The following ATP8A2 variants were observed in gnomAD, a reference collection of about 807,000 sequenced individuals.
ATP8A2 encodes phospholipid-transporting ATPase IB.
ATP8A2 carries 100 observed loss-of-function variants against 165.6 expected under a neutral mutation model. The observed-to-expected ratio is 0.60, with a 90% CI of 0.51 to 0.71. The LOEUF (loss-of-function observed/expected upper bound fraction) is 0.71. Ranked by LOEUF, ATP8A2 falls within the 30% of genes least tolerant of loss-of-function variation. ATP8A2 has a pLI of 0.00. For synonymous variants in ATP8A2, 543 were observed against 548.8 expected, an observed-to-expected ratio of 0.99 and a Z score of 0.15; for missense variants, 1,227 against 1,479.5, an observed-to-expected ratio of 0.83 and a Z score of 2.80.
intron 35 of ATP8A2, among the ~76,000 whole-genome samples, chr13:25,997,683 G>T (rs1024800521): frequency 2.6e-5 from 4 of 151,584 alleles, no homozygotes; most frequent in Non-Finnish European, 5.9e-5. Flanking sequence ...GTTCACTAAC[G>T]ATTTCCTCTG....
At chr13:25,589,392 A>G (rs563865644) in intron 23 of ATP8A2, among the ~76,000 whole-genome samples, 3 of 152,356 alleles carry the variant, frequency 2.0e-5, no homozygotes, top group Non-Finnish European at 4.4e-5. Flanking sequence ...ACAGAGATAA[A>G]GAAAAATCCA....
chr13:25,741,471 C>A (rs1465475775), intron 25 of ATP8A2, among the ~76,000 whole-genome samples: 1 of 152,098 alleles, frequency 6.6e-6, no homozygotes, highest in Admixed American at 6.5e-5. Flanking sequence ...GCCGCAAGCT[C>A]CCTGGACTCA....
chr13:25,571,331 T>G (rs1386957878), intron 17 of ATP8A2, among the ~76,000 whole-genome samples: 4 of 152,186 alleles, frequency 2.6e-5, no homozygotes, highest in Non-Finnish European at 1.5e-5. Flanking sequence ...TTAGGTTCAT[T>G]GGAGAGAACT....
At chr13:25,796,128 A>G (rs949830225) in intron 27 of ATP8A2, among the ~76,000 whole-genome samples, 1 of 151,860 alleles carries the variant, frequency 6.6e-6, no homozygotes, top group South Asian at 2.1e-4. Context: ...TTTTGTATTT[A>G]TAGTAGAGAC....
intron 10 of ATP8A2, among the ~76,000 whole-genome samples, chr13:25,546,651 G>C (rs754366168): frequency 2.6e-5 from 4 of 152,042 alleles, no homozygotes; most frequent in Non-Finnish European, 5.9e-5. Flanking sequence ...GAAAAAGAGC[G>C]ATTATCACAC....
At chr13:25,986,845 G>A (rs985011395) in intron 35 of ATP8A2, among the ~76,000 whole-genome samples, 1 of 152,070 alleles carries the variant, frequency 6.6e-6, no homozygotes, top group African/African-American at 2.4e-5. Context: ...AAAGAATAAG[G>A]ACCATTCTTT....
intron 24 of ATP8A2, among the ~76,000 whole-genome samples, chr13:25,617,197 G>A (rs931422534): frequency 5.3e-5 from 8 of 152,130 alleles, no homozygotes; most frequent in Admixed American, 1.3e-4. Context: ...ATGCCAAACC[G>A]AATGCAAGCT....
chr13:25,886,719 C>T (rs934405369), intron 33 of ATP8A2, among the ~76,000 whole-genome samples: 7 of 152,192 alleles, frequency 4.6e-5, no homozygotes, highest in African/African-American at 1.4e-4. Flanking sequence ...ATAGCTGTTC[C>T]ATAGCGTATA....
At chr13:25,822,488 G>A (rs1951209527) in intron 27 of ATP8A2, among the ~76,000 whole-genome samples, 1 of 152,140 alleles carries the variant, frequency 6.6e-6, no homozygotes, top group Non-Finnish European at 1.5e-5. Flanking sequence ...AAGAAAAACA[G>A]TTATATCCAT....
chr13:25,784,030 A>G (rs1389924548), intron 27 of ATP8A2, among the ~76,000 whole-genome samples: 1 of 152,156 alleles, frequency 6.6e-6, no homozygotes, highest in Non-Finnish European at 1.5e-5. Context: ...TCCCTACAAG[A>G]TACACAATCA....
At chr13:25,522,833 G>A (rs1177660097) in intron 2 of ATP8A2, among the ~76,000 whole-genome samples, 1 of 152,096 alleles carries the variant, frequency 6.6e-6, no homozygotes, top group East Asian at 1.9e-4. Flanking sequence ...AAGAATTTTT[G>A]CATCTACTGG....
chr13:25,770,325 C>G (rs1042382201), intron 26 of ATP8A2, among the ~76,000 whole-genome samples: 1 of 152,118 alleles, frequency 6.6e-6, no homozygotes, highest in Non-Finnish European at 1.5e-5. Flanking sequence ...AGACCCTGCA[C>G]TTGATGGATC....
At chr13:25,946,345 A>G (rs534484611) in intron 33 of ATP8A2, among the ~76,000 whole-genome samples, 79 of 152,298 alleles carry the variant, frequency 5.2e-4, no homozygotes, top group African/African-American at 1.9e-3. Context: ...GAAACACCCC[A>G]GGAAATCCAC....
At chr13:25,636,526 C>T (rs928078314) in intron 24 of ATP8A2, among the ~76,000 whole-genome samples, 13 of 151,990 alleles carry the variant, frequency 8.6e-5, no homozygotes, top group Non-Finnish European at 1.3e-4. Flanking sequence ...TTAGTATTCC[C>T]GGAAATATCA....
At chr13:25,743,596 A>G (rs1175221220) in intron 25 of ATP8A2, among the ~76,000 whole-genome samples, 2 of 152,200 alleles carry the variant, frequency 1.3e-5, no homozygotes, top group Non-Finnish European at 1.5e-5. Flanking sequence ...TTTGCCGGCC[A>G]CATGTTTCAT....
chr13:25,431,502 C>CGGG lies in ATP8A2; in HGVS notation c.77-37469_77-37467dup, dbSNP rs59058897. On this transcript the variant is annotated intron_variant, in intron 1 of 36. Coordinates refer to ENST00000381655, the MANE Select transcript of ATP8A2 (RefSeq NM_016529.6). ...CTAATAGTAACTTTTACTTCGGCGG[C>CGGG]GGGGGGGGAATCTCATACAATTATG... Among the ~76,000 whole-genome samples, 69 of 151,440 alleles carry CGGG rather than the reference C, an allele frequency of 4.6e-4. 1 individual carries two copies. The highest frequency in any genetic ancestry group is 1.2e-3 in the African/African-American group (50 of 41,250).
At chr13:25,971,803 C>A (rs1395724897) in intron 35 of ATP8A2, among the ~76,000 whole-genome samples, 3 of 152,110 alleles carry the variant, frequency 2.0e-5, no homozygotes, top group Non-Finnish European at 4.4e-5. Flanking sequence ...GGAGAGGCAT[C>A]TGTGATGTAA....
chr13:25,999,885 C>T (rs79376311), intron 35 of ATP8A2, among the ~76,000 whole-genome samples: 23 of 152,266 alleles, frequency 1.5e-4, no homozygotes, highest in African/African-American at 4.8e-4. Context: ...ATAAATATAA[C>T]TCTTATTGAA....
intron 27 of ATP8A2, among the ~76,000 whole-genome samples, chr13:25,827,333 A>G (rs1411176524): frequency 2.6e-5 from 4 of 152,060 alleles, no homozygotes; most frequent in Admixed American, 6.5e-5. Flanking sequence ...GCTGGTCTCA[A>G]ACTCCTGTCC....
Sources: allele counts gnomAD v4.1 joint callset (sites outside exome capture counted in the v4.1 genomes callset), GRCh38; gene constraint gnomAD v4.1.1; transcripts MANE v1.5; gene names NCBI Gene and HGNC (gene_info 2026-07-23, HGNC 2026-07-21).